TMEM108: variants seen among roughly 807,000 people sequenced by gnomAD.
TMEM108 encodes cancer/testis antigen 124.
TMEM108 carries 12 observed loss-of-function variants against 35.1 expected under a neutral mutation model. The observed-to-expected ratio is 0.34, with a 90% CI of 0.22 to 0.55. TMEM108 has a LOEUF of 0.55. Among genes scored for constraint, TMEM108 ranks in the 20% least tolerant of loss-of-function variants. The pLI is 0.89. For missense variants in TMEM108, 680 were observed against 753.3 expected, an observed-to-expected ratio of 0.90 and a Z score of 1.14; for synonymous variants, 287 against 308.6, an observed-to-expected ratio of 0.93 and a Z score of 0.73.
At chr3:133,363,208 C>G (rs1488907614) in intron 3 of TMEM108, among the ~76,000 whole-genome samples, 1 of 152,128 alleles carries the variant, frequency 6.6e-6, no homozygotes. Context: ...ACCTCTTACA[C>G]TTTGGTCAGA....
intron 3 of TMEM108, among the ~76,000 whole-genome samples, chr3:133,308,918 A>G (rs1020261718): frequency 6.6e-6 from 1 of 152,178 alleles, no homozygotes; most frequent in Admixed American, 6.5e-5. Flanking sequence ...ATTGATTGGA[A>G]TAGTTTCAGA....
intron 2 of TMEM108, among the ~76,000 whole-genome samples, chr3:133,117,369 T>C (rs1192993228): frequency 6.6e-6 from 1 of 152,188 alleles, no homozygotes; most frequent in African/African-American, 2.4e-5. Flanking sequence ...TATTCTCTGT[T>C]TTGTATCTGG....
intron 3 of TMEM108, among the ~76,000 whole-genome samples, chr3:133,236,371 C>T (rs1406655067): frequency 6.6e-6 from 1 of 152,034 alleles, no homozygotes; most frequent in Admixed American, 6.6e-5. Context: ...ATTTGGACCC[C>T]TACTCTATAG....
At position 133,317,479 on chromosome 3, in the gene TMEM108, T is replaced by A. The variant is rs564431997; in HGVS notation, c.41-62273T>A. ...ATTCTAAAAATTGTGGGTAATAGAT[T>A]TACACATTTCCCAGATGGCTTACAG... is the stretch of plus-strand genomic sequence containing the variant. On this transcript the variant is annotated intron_variant, in intron 3 of 5. Transcript: ENST00000321871. Among the ~76,000 whole-genome samples, 8 of 152,298 alleles carry A rather than the reference T, an allele frequency of 5.3e-5. No homozygotes were observed. In the South Asian group the frequency reaches 1.7e-3, roughly 32 times the overall value.
intron 2 of TMEM108, among the ~76,000 whole-genome samples, chr3:133,066,030 T>C (rs547980196): frequency 2.0e-5 from 3 of 152,330 alleles, no homozygotes; most frequent in African/African-American, 7.2e-5. Flanking sequence ...TTGAGGATTT[T>C]ATTGTCATAA....
chr3:133,225,270 T>TC (rs1050531841), intron 2 of TMEM108, among the ~76,000 whole-genome samples: 3 of 151,982 alleles, frequency 2.0e-5, no homozygotes, highest in African/African-American at 7.3e-5. Context: ...ATGGTCTCGA[T>TC]CTCCTGACCT....
At chr3:133,325,475 A>G (rs115839010) in intron 3 of TMEM108, among the ~76,000 whole-genome samples, 175 of 152,312 alleles carry the variant, frequency 1.1e-3, no homozygotes, top group African/African-American at 4.2e-3. Flanking sequence ...TGAAATTTTT[A>G]AAAAGTCAAA....
rs528508777 is a variant in TMEM108 at position 133,370,919 on chromosome 3, T to TGTGTGTGTGTGC, written c.41-8830_41-8829insTGTGTGTGCGTG. ...GTGTGTGTGTGTGTGTGTGTGTGTG[T>TGTGTGTGTGTGC]GTGCCAGGAAGCTTCATGGCCCTCC... On this transcript the variant is annotated intron_variant, in intron 3 of 5. Coordinates refer to ENST00000321871, the MANE Select transcript of TMEM108 (RefSeq NM_023943.4). 3.7e-5 allele frequency among the ~76,000 whole-genome samples: 5 copies of TGTGTGTGTGTGC among 136,688 alleles called. No homozygotes were observed. The East Asian group carries it at 6.8e-4, about 18-fold the overall frequency. The allele number at this position is 136,688 out of a possible 152,430, so 89.7% of individuals were successfully genotyped here.
chr3:133,217,061 T>C (rs1166734543), intron 2 of TMEM108, among the ~76,000 whole-genome samples: 1 of 152,064 alleles, frequency 6.6e-6, no homozygotes, highest in African/African-American at 2.4e-5. Context: ...TGTGCAAGAG[T>C]TCCCTTTTCT....
At chr3:133,395,550 A>G (rs1449528066) in intron 5 of TMEM108, among the ~76,000 whole-genome samples, 1 of 152,226 alleles carries the variant, frequency 6.6e-6, no homozygotes, top group Non-Finnish European at 1.5e-5. Context: ...TCAGACTTTG[A>G]CAAGGAAAGC....
chr3:133,365,255 C>T (rs987001285), intron 3 of TMEM108, among the ~76,000 whole-genome samples: 1 of 152,032 alleles, frequency 6.6e-6, no homozygotes, highest in Non-Finnish European at 1.5e-5. Flanking sequence ...TCTAAAAGAA[C>T]CAAAAAGAGG....
At chr3:133,266,661 AAGTC>A (rs1288452098) in intron 3 of TMEM108, among the ~76,000 whole-genome samples, 2 of 152,274 alleles carry the variant, frequency 1.3e-5, no homozygotes, top group African/African-American at 2.4e-5. Context: ...AAGTGCACTA[AAGTC>A]AGTCAGTCAG....
At chr3:133,178,508 A>G (rs1945275248) in intron 2 of TMEM108, among the ~76,000 whole-genome samples, 1 of 152,008 alleles carries the variant, frequency 6.6e-6, no homozygotes, top group African/African-American at 2.4e-5. Context: ...AATGCCGCAT[A>G]TCTACAACCA....
At chr3:133,311,592 T>C (rs2071129194) in intron 3 of TMEM108, among the ~76,000 whole-genome samples, 1 of 152,230 alleles carries the variant, frequency 6.6e-6, no homozygotes, top group African/African-American at 2.4e-5. Context: ...CTACGCTGTT[T>C]ATTCTAGTTA....
chr3:133,079,630 C>CT (rs1943785496), intron 2 of TMEM108, among the ~76,000 whole-genome samples: 1 of 152,150 alleles, frequency 6.6e-6, no homozygotes, highest in Non-Finnish European at 1.5e-5. Context: ...CTGAAAGGCC[C>CT]TATGTCCAGG....
chr3:133,236,733 C>G (rs55856984), intron 3 of TMEM108, among the ~76,000 whole-genome samples: 48,384 of 151,928 alleles, frequency 0.32, 8,511 homozygotes, highest in East Asian at 0.47. Flanking sequence ...CCAGTTACTT[C>G]TTAAACTAGA....
intron 1 of TMEM108, among the ~76,000 whole-genome samples, chr3:133,044,111 A>G (rs956939792): frequency 6.6e-6 from 1 of 152,132 alleles, no homozygotes; most frequent in Non-Finnish European, 1.5e-5. Context: ...CCAAAGTAAT[A>G]TTTATTATTG....
intron 3 of TMEM108, among the ~76,000 whole-genome samples, chr3:133,292,634 C>G (rs529567402): frequency 3.9e-5 from 6 of 152,330 alleles, no homozygotes; most frequent in African/African-American, 1.4e-4. Context: ...CAGAGCCTGC[C>G]TGCTATGGGG....
intron 3 of TMEM108, among the ~76,000 whole-genome samples, chr3:133,299,032 G>A (rs1250310215): frequency 2.0e-5 from 3 of 152,112 alleles, no homozygotes; most frequent in Non-Finnish European, 4.4e-5. Flanking sequence ...TCTGAACTGT[G>A]GGGAGAAGGA....
Sources: gnomAD v4.1 joint callset for allele counts (sites outside exome capture counted in the v4.1 genomes callset) on GRCh38, gnomAD v4.1.1 for gene constraint, MANE v1.5 for transcripts, NCBI Gene and HGNC (gene_info 2026-07-23, HGNC 2026-07-21) for gene names.